Variants in DAPK1 observed in about 807,000 individuals in gnomAD.
The protein encoded by DAPK1 is death associated protein kinase 1.
A neutral mutation model predicts 144.9 loss-of-function variants in DAPK1; 56 were observed. The observed-to-expected ratio is 0.39, with a 90% confidence interval of 0.31 to 0.48. The LOEUF (loss-of-function observed/expected upper bound fraction) is 0.48, where lower values mean the gene tolerates loss of function less well. DAPK1 is among the 20% of genes least tolerant of loss of function. The probability of loss-of-function intolerance (pLI) is 0.95; values close to 1 mark genes in which losing one functional copy is unlikely to be tolerated. For missense variants in DAPK1, 1,454 were observed against 1,875.4 expected (o/e 0.78, Z 4.15); for synonymous variants, 690 against 749.0 (o/e 0.92, Z 1.29).
chr9:87,642,487 G>T (rs1332012869), intron 10 of DAPK1, among the ~76,000 whole-genome samples: 1 of 152,098 alleles, frequency 6.6e-6, no homozygotes, highest in East Asian at 1.9e-4. Context: ...GTGGGGTGGG[G>T]CCGTGAGCAT....
At chr9:87,611,421 G>A (rs1828924011) in intron 3 of DAPK1, among the ~76,000 whole-genome samples, 1 of 152,146 alleles carries the variant, frequency 6.6e-6, no homozygotes, top group African/African-American at 2.4e-5. Flanking sequence ...GAGTAGGTGG[G>A]ACTGGGGTGT....
intron 2 of DAPK1, among the ~76,000 whole-genome samples, chr9:87,550,379 G>T (rs1376838468): frequency 6.6e-6 from 1 of 152,248 alleles, no homozygotes; most frequent in Non-Finnish European, 1.5e-5. Flanking sequence ...TCAAACAAGA[G>T]AAATTTATTG....
rs1445699031 is a variant in DAPK1 at position 87,525,612 on chromosome 9, C to CA, written c.62+26478dup. The CA allele has an allele frequency of 1.8e-5, 12 of 660,566 alleles. No homozygotes were observed. In the Admixed American group the frequency reaches 2.9e-4, roughly 16 times the overall value. The allele number at this position is 660,566 out of a possible 1,614,324, so 40.9% of individuals were successfully genotyped here. A position where few individuals can be genotyped will look rare whatever the true frequency, so the allele number is the denominator to read the frequency against. ...AAACGAAGGCCAAAATGTCAGTTTCCAAAAAGAACCTGAGGCGGTTCTTTG... is the reference window on the plus strand; with the variant it reads ...AAACGAAGGCCAAAATGTCAGTTTCCAAAAAAGAACCTGAGGCGGTTCTTTG... On this transcript the variant is annotated intron_variant, in intron 2 of 25. Coordinates refer to ENST00000408954, the MANE Select transcript of DAPK1 (RefSeq NM_004938.4).
chr9:87,630,509 G>A (rs1829637471), intron 3 of DAPK1, among the ~76,000 whole-genome samples: 1 of 152,118 alleles, frequency 6.6e-6, no homozygotes, highest in Non-Finnish European at 1.5e-5. Flanking sequence ...GTCCTGTGCT[G>A]GGTCACCTGT....
At chr9:87,556,927 T>C (rs1268358839) in intron 2 of DAPK1, among the ~76,000 whole-genome samples, 1 of 152,104 alleles carries the variant, frequency 6.6e-6, no homozygotes, top group Non-Finnish European at 1.5e-5. Context: ...AGTCCTGCAG[T>C]TGTGGGTGGG....
Position 87,597,542 on chromosome 9 carries a change from A to C in DAPK1, c.63-7412A>C, listed in dbSNP as rs1161764693. Among the ~76,000 whole-genome samples the C allele has an allele frequency of 2.6e-5, 4 of 152,148 alleles. No individual in the cohort carries two copies. In the East Asian group the frequency reaches 5.8e-4, roughly 22 times the overall value. On this transcript the variant is annotated intron_variant, in intron 2 of 25. Coordinates refer to ENST00000408954, the MANE Select transcript of DAPK1 (RefSeq NM_004938.4). Reference sequence around the variant, plus strand: ...CTTCTCTGAGAAGTTCACGAAGCTTAGACAGCTTGGTAATTTTCATCCTTT... The same window carrying C: ...CTTCTCTGAGAAGTTCACGAAGCTTCGACAGCTTGGTAATTTTCATCCTTT...
intron 25 of DAPK1, among the ~76,000 whole-genome samples, chr9:87,705,549 A>G (rs1471692066): frequency 6.6e-6 from 1 of 151,244 alleles, no homozygotes; most frequent in Non-Finnish European, 1.5e-5. Flanking sequence ...TCAGTTGTTG[A>G]CATTTTGCTA....
At chr9:87,662,163 T>C (rs531850393) in intron 18 of DAPK1, among the ~76,000 whole-genome samples, 1 of 152,350 alleles carries the variant, frequency 6.6e-6, no homozygotes, top group South Asian at 2.1e-4. Context: ...CTGGGTTCCC[T>C]ATTCTGTTCT....
chr9:87,649,005 A>G, intron 15 of DAPK1, 126 bp downstream of exon 15: 1 of 791,768 alleles, frequency 1.3e-6, no homozygotes, highest in Non-Finnish European at 2.1e-6. Context: ...TACAGAGGGC[A>G]AGGCTCAAGG....
intron 3 of DAPK1, among the ~76,000 whole-genome samples, chr9:87,622,196 C>A (rs967705356): frequency 2.0e-5 from 3 of 151,988 alleles, no homozygotes; most frequent in Non-Finnish European, 4.4e-5. Context: ...CTTTCCCATG[C>A]GCCCTCGCTC....
chr9:87,631,814 G>A (rs78268847), intron 3 of DAPK1, among the ~76,000 whole-genome samples: 3,786 of 152,266 alleles, frequency 0.025, 164 homozygotes, highest in African/African-American at 0.086. Context: ...AGATTTGGGG[G>A]CCAAACAGGG....
intron 2 of DAPK1, among the ~76,000 whole-genome samples, chr9:87,528,681 G>A (rs1390548869): frequency 6.6e-6 from 1 of 151,570 alleles, no homozygotes; most frequent in African/African-American, 2.4e-5. Context: ...TCAGGCCTGG[G>A]CAACATGGTG....
Position 87,686,858 on chromosome 9 carries a change from C to A in DAPK1, c.2413+119C>A. On this transcript the variant is annotated intron_variant, in intron 21 of 25. Coordinates refer to ENST00000408954, the MANE Select transcript of DAPK1 (RefSeq NM_004938.4). The surrounding 1 kb of genome is among the most constrained non-coding windows in gnomAD (Gnocchi z 4.2). Reference sequence around the variant, plus strand: ...GTCACTTCCAGAAGGAAATCCAACACAGACTGATATTCAGAGTGAGCCAGG... The same window carrying A: ...GTCACTTCCAGAAGGAAATCCAACAAAGACTGATATTCAGAGTGAGCCAGG... 7.0e-7 allele frequency: 1 copy of A among 1,428,390 alleles called. No individual in the cohort carries two copies. Among genetic ancestry groups the A allele is most frequent in the Non-Finnish European group, 9.3e-7 (1 of 1,079,528 alleles). The allele number at this position is 1,428,390 out of a possible 1,614,324, so 88.5% of individuals were successfully genotyped here.
intron 2 of DAPK1, among the ~76,000 whole-genome samples, chr9:87,579,671 A>G (rs1827683573): frequency 6.6e-6 from 1 of 152,210 alleles, no homozygotes; most frequent in South Asian, 2.1e-4. Flanking sequence ...CCACACATTT[A>G]CACATTCTCT....
intron 2 of DAPK1, among the ~76,000 whole-genome samples, chr9:87,547,582 T>A (rs2378749): frequency 0.3 from 18,118 of 61,350 alleles, 1,285 homozygotes; most frequent in Admixed American, 0.34. Flanking sequence ...AGAGAGAGTG[T>A]GTGTGTGTGT....
chr9:87,519,688 C>T (rs1825220456), intron 2 of DAPK1, among the ~76,000 whole-genome samples: 1 of 152,164 alleles, frequency 6.6e-6, no homozygotes, highest in African/African-American at 2.4e-5. Flanking sequence ...CACCCAGCAT[C>T]CTCCAAGCAA....
Position 87,651,601 on chromosome 9 carries a change from G to T in DAPK1, c.1701G>T (p.Gly567=), listed in dbSNP as rs1396875326. ...TAATCAAGACTCTCCTCAGCCAAGG[G>T]TGTTTCGTCGATTATCAAGACAGGC... ...MEVIKTLLSQ[G]CFVDYQDRHG... Residue 567 remains glycine, a synonymous_variant, in exon 17 of 26, where the codon GGG becomes GGT. Transcript: ENST00000408954. 6 of 1,614,004 alleles carry T rather than the reference G, an allele frequency of 3.7e-6. No individual in the cohort carries two copies. Among genetic ancestry groups the T allele is most frequent in the Non-Finnish European group, 5.1e-6 (6 of 1,180,004 alleles).
In DAPK1 at chr9:87,571,481, A is replaced by ACCCC. The variant is rs1827344846; in HGVS notation, c.63-33472_63-33471insCCCC. Among the ~76,000 whole-genome samples, 23 of 52,236 alleles carry ACCCC rather than the reference A, an allele frequency of 4.4e-4. 1 individual carries two copies. Among genetic ancestry groups the ACCCC allele is most frequent in the African/African-American group, 2.2e-3 (21 of 9,470 alleles). 34.3% of individuals were successfully genotyped at this position (52,236 alleles called of 152,430 possible). A position where few individuals can be genotyped will look rare whatever the true frequency, so the allele number is the denominator to read the frequency against. Reference sequence around the variant, plus strand: ...CACACACACACACACACACCAACACACACACACACACACCCCAACACACAC... The same window carrying ACCCC: ...CACACACACACACACACACCAACACACCCCCACACACACACACCCCAACACACAC... On this transcript the variant is annotated intron_variant, in intron 2 of 25. Transcript: ENST00000408954.
At chr9:87,692,215 T>TC (rs1296257574) in intron 21 of DAPK1, among the ~76,000 whole-genome samples, 1 of 149,538 alleles carries the variant, frequency 6.7e-6, no homozygotes, top group African/African-American at 2.5e-5. Context: ...GCTGAATTGA[T>TC]CCCTTTTGCA....
Sources: gnomAD v4.1 joint callset for allele counts (sites outside exome capture counted in the v4.1 genomes callset) on GRCh38, gnomAD v4.1.1 for gene constraint, Gnocchi (gnomAD v3.1) non-coding constraint, MANE v1.5 for transcripts, NCBI Gene and HGNC (gene_info 2026-07-23, HGNC 2026-07-21) for gene names.